SGIP1: variants seen among roughly 807,000 people sequenced by gnomAD.
SGIP1 encodes the protein SH3-containing GRB2-like protein 3-interacting protein 1.
SGIP1 carries 38 observed loss-of-function variants against 107.5 expected under a neutral mutation model. The ratio of observed to expected loss-of-function variants is 0.35; its 90% CI spans 0.27 to 0.46. The LOEUF (loss-of-function observed/expected upper bound fraction) is 0.46, where lower values mean the gene tolerates loss of function less well. Among genes scored for constraint, SGIP1 ranks in the 20% least tolerant of loss-of-function variants. The pLI, the probability that SGIP1 is intolerant of heterozygous loss-of-function variation, is 1.00. For synonymous variants in SGIP1, 365 were observed against 366.1 expected (o/e 1.00, Z 0.03); for missense variants, 929 against 1,019.5 (o/e 0.91, Z 1.21).
chr1:66,568,048 A>G (rs1478575630), intron 1 of SGIP1, among the ~76,000 whole-genome samples: 3 of 152,018 alleles, frequency 2.0e-5, no homozygotes, highest in South Asian at 2.1e-4. Context: ...AAGAATGTCA[A>G]TGGTAGTTTG....
At chr1:66,699,903 G>T (rs2091619368) in intron 18 of SGIP1, among the ~76,000 whole-genome samples, 1 of 152,074 alleles carries the variant, frequency 6.6e-6, no homozygotes, top group Admixed American at 6.6e-5. Flanking sequence ...GGAATTTGAG[G>T]TTGAAAAATG....
At chr1:66,575,190 G>A (rs1448636063) in intron 1 of SGIP1, among the ~76,000 whole-genome samples, 1 of 152,144 alleles carries the variant, frequency 6.6e-6, no homozygotes, top group Non-Finnish European at 1.5e-5. Flanking sequence ...GGAGATAACA[G>A]CAAATGGTCT....
At chr1:66,631,022 G>T (rs1431517939) in intron 2 of SGIP1, among the ~76,000 whole-genome samples, 1 of 119,476 alleles carries the variant, frequency 8.4e-6, no homozygotes, top group Non-Finnish European at 1.7e-5. Flanking sequence ...GGAAGGGAAA[G>T]GAAAGGAAGG....
intron 5 of SGIP1, 103 bp downstream of exon 5, chr1:66,639,936 A>G (rs2076463031): frequency 5.6e-6 from 5 of 888,814 alleles, no homozygotes; most frequent in Non-Finnish European, 7.1e-6. Flanking sequence ...AATGCTCTCC[A>G]TGTCATTAGG....
intron 11 of SGIP1, among the ~76,000 whole-genome samples, chr1:66,672,922 T>A (rs1372634329): frequency 1.3e-5 from 2 of 152,206 alleles, no homozygotes; most frequent in African/African-American, 4.8e-5. Flanking sequence ...ACTTGAGATC[T>A]TAGGGGAGAA....
chr1:66,684,079 A>T, intron 15 of SGIP1: 1 of 1,550,098 alleles, frequency 6.5e-7, no homozygotes, highest in Non-Finnish European at 8.7e-7. Context: ...ACCCTGTGGT[A>T]GATACTGTTA....
intron 8 of SGIP1, 130 bp downstream of exon 8, chr1:66,660,654 G>A: frequency 4.4e-6 from 4 of 910,190 alleles, no homozygotes; most frequent in Non-Finnish European, 7.1e-6. Flanking sequence ...ACAAATCTTT[G>A]CGAACCATGA....
At chr1:66,545,730 T>C (rs1274977430) in intron 1 of SGIP1, among the ~76,000 whole-genome samples, 1 of 151,644 alleles carries the variant, frequency 6.6e-6, no homozygotes, top group Non-Finnish European at 1.5e-5. Flanking sequence ...CACATGATTG[T>C]GGGGACTGGC....
chr1:66,547,477 C>T (rs2056619257), intron 1 of SGIP1, among the ~76,000 whole-genome samples: 2 of 152,260 alleles, frequency 1.3e-5, no homozygotes, highest in Admixed American at 6.5e-5. Context: ...CCAGATCAAA[C>T]GATTTCATCT....
intron 2 of SGIP1, chr1:66,628,526 C>G (rs769117389): frequency 6.5e-6 from 1 of 154,748 alleles, no homozygotes; most frequent in Non-Finnish European, 1.5e-5. Flanking sequence ...GGACACTATT[C>G]GATGGATCTC....
intron 1 of SGIP1, among the ~76,000 whole-genome samples, chr1:66,549,500 A>G (rs1372020363): frequency 1.3e-5 from 2 of 152,212 alleles, no homozygotes; most frequent in African/African-American, 4.8e-5. Flanking sequence ...TGGTAAGGTG[A>G]GAGTAAGTCA....
intron 20 of SGIP1, among the ~76,000 whole-genome samples, chr1:66,729,698 T>C (rs566397924): frequency 6.6e-6 from 1 of 152,376 alleles, no homozygotes; most frequent in African/African-American, 2.4e-5. Flanking sequence ...AGCAACAGTT[T>C]GTTCATCGTC....
chr1:66,602,322 C>T (rs576913628), intron 1 of SGIP1, among the ~76,000 whole-genome samples: 36 of 152,152 alleles, frequency 2.4e-4, no homozygotes, highest in Non-Finnish European at 4.0e-4. Context: ...GCCTTAGAAT[C>T]GCCTGGAGAC....
At chr1:66,660,694 A>T (rs1477883701) in intron 8 of SGIP1, among the ~76,000 whole-genome samples, 170 bp downstream of exon 8, 1 of 152,186 alleles carries the variant, frequency 6.6e-6, no homozygotes, top group East Asian at 1.9e-4. Context: ...ATGGGAAAAA[A>T]GGAAGTTGGT....
intron 1 of SGIP1, among the ~76,000 whole-genome samples, chr1:66,610,593 GA>G (rs1178700255): frequency 1.3e-5 from 2 of 152,060 alleles, no homozygotes; most frequent in Non-Finnish European, 2.9e-5. Context: ...CACCATACAA[GA>G]ACAGGAACTT....
intron 1 of SGIP1, among the ~76,000 whole-genome samples, chr1:66,617,625 T>G (rs964256980): frequency 2.0e-5 from 3 of 152,172 alleles, no homozygotes; most frequent in Non-Finnish European, 4.4e-5. Flanking sequence ...AGTAATTCCA[T>G]TACATGTGAT....
At chr1:66,697,704 G>A (rs909011404) in intron 18 of SGIP1, among the ~76,000 whole-genome samples, 6 of 152,058 alleles carry the variant, frequency 3.9e-5, no homozygotes, top group East Asian at 1.9e-4. Flanking sequence ...CGCTAGACTC[G>A]GGTATTTTTA....
chr1:66,573,046 G>A (rs773953377), intron 1 of SGIP1, among the ~76,000 whole-genome samples: 34 of 152,046 alleles, frequency 2.2e-4, no homozygotes, highest in Non-Finnish European at 4.3e-4. Flanking sequence ...TTTGCCTGGA[G>A]GTGGGAGGGT....
intron 11 of SGIP1, 71 bp downstream of exon 11, chr1:66,672,066 T>C: frequency 7.0e-7 from 1 of 1,434,984 alleles, no homozygotes; most frequent in Non-Finnish European, 9.8e-7. Flanking sequence ...GCAAATCTCC[T>C]TTGAGCTAAA....
Sources: gnomAD v4.1 joint callset for allele counts (sites outside exome capture counted in the v4.1 genomes callset) on GRCh38, gnomAD v4.1.1 for gene constraint, MANE v1.5 for transcripts, NCBI Gene and HGNC (gene_info 2026-07-23, HGNC 2026-07-21) for gene names.